The following TRPC4 variants were observed in gnomAD, a reference collection of about 807,000 sequenced individuals.
The protein encoded by TRPC4 is short transient receptor potential channel 4.
Under a neutral mutation model 99.4 loss-of-function variants are expected in TRPC4, and 49 were observed. The observed-to-expected ratio is 0.49, with a 90% CI of 0.39 to 0.63. The LOEUF is 0.63. TRPC4 is among the 20% of genes least tolerant of loss of function. TRPC4 has a pLI of 0.00. For synonymous variants in TRPC4, 454 were observed against 425.9 expected, an observed-to-expected ratio of 1.07 and a Z score of -0.81; for missense variants, 898 against 1,152.9, an observed-to-expected ratio of 0.78 and a Z score of 3.20.
At chr13:37,833,914 A>T (rs1466696017) in intron 1 of TRPC4, among the ~76,000 whole-genome samples, 1 of 152,212 alleles carries the variant, frequency 6.6e-6, no homozygotes, top group African/African-American at 2.4e-5. Context: ...CTGACAGTAC[A>T]GTTTTATCTT....
At chr13:37,827,724 T>G (rs1958278371) in intron 1 of TRPC4, among the ~76,000 whole-genome samples, 1 of 152,180 alleles carries the variant, frequency 6.6e-6, no homozygotes, top group African/African-American at 2.4e-5. Context: ...GCTGTCTTTT[T>G]GTTTGTCTGT....
intron 1 of TRPC4, among the ~76,000 whole-genome samples, chr13:37,849,625 C>A (rs1959003731): frequency 1.3e-5 from 2 of 152,198 alleles, no homozygotes; most frequent in Non-Finnish European, 2.9e-5. Flanking sequence ...GACCGTCCAA[C>A]AGGATCTCAT....
chr13:37,674,776 G>T (rs1223363073), intron 4 of TRPC4, among the ~76,000 whole-genome samples: 1 of 152,052 alleles, frequency 6.6e-6, no homozygotes, highest in Non-Finnish European at 1.5e-5. Context: ...AATCATAACT[G>T]GTTTCAGACA....
intron 1 of TRPC4, among the ~76,000 whole-genome samples, chr13:37,833,377 C>T (rs1055792325): frequency 1.3e-5 from 2 of 152,112 alleles, no homozygotes; most frequent in Non-Finnish European, 2.9e-5. Context: ...CGGCATTCAC[C>T]TGATTGAAAA....
intron 1 of TRPC4, among the ~76,000 whole-genome samples, chr13:37,867,566 T>A (rs978653334): frequency 2.6e-5 from 4 of 152,062 alleles, no homozygotes; most frequent in African/African-American, 9.7e-5. Flanking sequence ...TTTGACTAGA[T>A]GATCAGATGT....
At chr13:37,641,857 A>G (rs1951722448) in intron 8 of TRPC4, among the ~76,000 whole-genome samples, 1 of 152,130 alleles carries the variant, frequency 6.6e-6, no homozygotes, top group South Asian at 2.1e-4. Context: ...GATTTATGGC[A>G]TCTGTTGCTA....
intron 1 of TRPC4, among the ~76,000 whole-genome samples, chr13:37,807,742 T>G (rs1368583232): frequency 1.3e-5 from 2 of 152,074 alleles, no homozygotes; most frequent in African/African-American, 4.8e-5. Flanking sequence ...GTTTCCATCC[T>G]TCCAGAATTT....
Position 37,637,576 on chromosome 13 carries a change from A to T in TRPC4, c.2261T>A (p.Leu754Gln). Residue 754 changes from leucine to glutamine, a missense_variant, in exon 11 of 11, where the codon CTA becomes CAA. By Grantham distance (113) the Leu-to-Gln change is moderately radical (BLOSUM62 -2). Transcript: ENST00000379705. ...TATTGTGGAAAGTTTGCTTCCTCTT[A>T]GTAATCCCAGGACTTCAAAGCGGAA... ...SSFRFEVLGL[L>Q]RGSKLSTIQS... The T allele has an allele frequency of 6.2e-7, 1 of 1,611,010 alleles. No individual in the cohort carries two copies. The highest frequency in any genetic ancestry group is 8.5e-7 in the Non-Finnish European group (1 of 1,178,990).
intron 2 of TRPC4, among the ~76,000 whole-genome samples, chr13:37,780,029 C>T (rs990330316): frequency 1.4e-4 from 22 of 151,962 alleles, no homozygotes; most frequent in Non-Finnish European, 1.0e-4. Context: ...TATTCACAAT[C>T]GGACCTTAGG....
At chr13:37,653,020 T>G (rs1198444742) in intron 7 of TRPC4, among the ~76,000 whole-genome samples, 2 of 152,152 alleles carry the variant, frequency 1.3e-5, no homozygotes, top group African/African-American at 4.8e-5. Flanking sequence ...TTAAGAATCC[T>G]CTCTCCTTAG....
chr13:37,855,296 G>GATATATAT (rs139637183), intron 1 of TRPC4, among the ~76,000 whole-genome samples: 29 of 140,478 alleles, frequency 2.1e-4, no homozygotes, highest in African/African-American at 6.9e-4. Context: ...ATACAATGTA[G>GATATATAT]ATATATATAT....
At chr13:37,802,043 A>G (rs1957420406) in intron 1 of TRPC4, among the ~76,000 whole-genome samples, 1 of 152,120 alleles carries the variant, frequency 6.6e-6, no homozygotes, top group Admixed American at 6.6e-5. Context: ...ATTAATTTTA[A>G]AAAGCTTTGT....
At chr13:37,855,810 A>G (rs1436852883) in intron 1 of TRPC4, among the ~76,000 whole-genome samples, 1 of 151,930 alleles carries the variant, frequency 6.6e-6, no homozygotes, top group Non-Finnish European at 1.5e-5. Flanking sequence ...ATTAAGAAGG[A>G]AATTGAAAGA....
chr13:37,788,926 A>T (rs1489769221), intron 1 of TRPC4, among the ~76,000 whole-genome samples: 1 of 152,108 alleles, frequency 6.6e-6, no homozygotes, highest in Non-Finnish European at 1.5e-5. Flanking sequence ...TACTGGGAAG[A>T]TTTCAACGGC....
intron 8 of TRPC4, among the ~76,000 whole-genome samples, chr13:37,646,581 C>T (rs887450910): frequency 1.3e-5 from 2 of 152,148 alleles, no homozygotes; most frequent in Non-Finnish European, 1.5e-5. Flanking sequence ...TATGTACTCA[C>T]ACGAATTAAA....
chr13:37,644,058 CT>C (rs1951799848), intron 8 of TRPC4, among the ~76,000 whole-genome samples: 1 of 152,112 alleles, frequency 6.6e-6, no homozygotes, highest in African/African-American at 2.4e-5. Flanking sequence ...TTCAACCTAT[CT>C]TTTTTGAAGG....
rs146278212 is a variant in TRPC4, at chr13:37,763,661, CA to C, written c.379-17207del. 1.2e-3 allele frequency among the ~76,000 whole-genome samples: 177 copies of C among 151,646 alleles called. 2 individuals carry two copies. The East Asian group carries it at 0.029, about 25-fold the overall frequency. On this transcript the variant is annotated intron_variant, in intron 2 of 10. Transcript: ENST00000379705. ...ACAATAGGCAGAGATTGGACTAAAC[CA>C]AAAATGTAATTTTACCAGATAATAT...
At chr13:37,735,003 G>A (rs1370321827) in intron 3 of TRPC4, among the ~76,000 whole-genome samples, 8 of 152,162 alleles carry the variant, frequency 5.3e-5, no homozygotes, top group Admixed American at 2.6e-4. Context: ...CTATGTGATC[G>A]CTTTCCCTGT....
intron 10 of TRPC4, 51 bp from the exon 11 acceptor site, chr13:37,637,676 A>G: frequency 6.6e-7 from 1 of 1,509,276 alleles, no homozygotes; most frequent in Non-Finnish European, 8.9e-7. Context: ...ACATTTGGAA[A>G]CATCATTTTC....
Sources: allele counts gnomAD v4.1 joint callset (sites outside exome capture counted in the v4.1 genomes callset), GRCh38; gene constraint gnomAD v4.1.1; transcripts MANE v1.5; gene names NCBI Gene and HGNC (gene_info 2026-07-23, HGNC 2026-07-21).